The following DGKI variants were observed in gnomAD, a reference collection of about 807,000 sequenced individuals.
DGKI encodes DAG kinase iota.
In DGKI, 55 loss-of-function variants were observed where a neutral mutation model predicts 147.5. That is an observed-to-expected ratio of 0.37 (90% CI 0.30 to 0.47). The LOEUF (loss-of-function observed/expected upper bound fraction) is 0.47, where lower values mean the gene tolerates loss of function less well. Ranked by LOEUF, DGKI falls within the 20% of genes least tolerant of loss-of-function variation. DGKI has a pLI of 1.00. For synonymous variants in DGKI, 469 were observed against 477.1 expected (o/e 0.98, Z 0.22); for missense variants, 1,007 against 1,323.8 (o/e 0.76, Z 3.71).
chr7:137,634,658 C>A (rs1821248853), intron 6 of DGKI, among the ~76,000 whole-genome samples: 1 of 152,142 alleles, frequency 6.6e-6, no homozygotes, highest in African/African-American at 2.4e-5. Flanking sequence ...CCCACATTAT[C>A]CACTATTATT....
chr7:137,498,304 A>G (rs1032401487), intron 21 of DGKI, among the ~76,000 whole-genome samples: 2 of 151,976 alleles, frequency 1.3e-5, no homozygotes, highest in Admixed American at 6.5e-5. Flanking sequence ...CTAGTCCAGG[A>G]GGTCCCAATA....
At chr7:137,569,720 C>A (rs1410274089) in intron 19 of DGKI, among the ~76,000 whole-genome samples, 3 of 78,786 alleles carry the variant, frequency 3.8e-5, no homozygotes, top group Non-Finnish European at 7.5e-5. Context: ...CAGAGTGAGA[C>A]TCTGTCTCAA....
At chr7:137,619,266 C>A (rs542044953) in intron 8 of DGKI, among the ~76,000 whole-genome samples, 2 of 152,270 alleles carry the variant, frequency 1.3e-5, no homozygotes, top group East Asian at 3.9e-4. Flanking sequence ...AGGAAGTGCA[C>A]TGGGGAGAAC....
At chr7:137,834,966 T>C (rs899196949) in intron 1 of DGKI, among the ~76,000 whole-genome samples, 1 of 152,328 alleles carries the variant, frequency 6.6e-6, no homozygotes, top group Non-Finnish European at 1.5e-5. Flanking sequence ...CGTCCTCCTC[T>C]GCACTCAGAT....
chr7:137,614,474 T>C (rs185261299), intron 8 of DGKI, among the ~76,000 whole-genome samples: 2 of 152,266 alleles, frequency 1.3e-5, no homozygotes, highest in East Asian at 3.9e-4. Flanking sequence ...TCTAGTAATA[T>C]TTTCAGTCCG....
At chr7:137,823,650 A>G (rs1797970995) in intron 1 of DGKI, among the ~76,000 whole-genome samples, 1 of 152,248 alleles carries the variant, frequency 6.6e-6, no homozygotes, top group Non-Finnish European at 1.5e-5. Flanking sequence ...TCTGGAAGTC[A>G]GAGGATCCGC....
At chr7:137,521,533 A>C (rs1816960673) in intron 21 of DGKI, among the ~76,000 whole-genome samples, 1 of 152,104 alleles carries the variant, frequency 6.6e-6, no homozygotes, top group African/African-American at 2.4e-5. Flanking sequence ...TGTTGTCTCA[A>C]GAGTTTTCTG....
intron 19 of DGKI, among the ~76,000 whole-genome samples, chr7:137,567,979 T>C (rs1345916559): frequency 5.9e-5 from 9 of 152,166 alleles, no homozygotes; most frequent in East Asian, 3.8e-4. Flanking sequence ...TGTCCATGAA[T>C]TGAAAATTAT....
chr7:137,825,717 TAC>T (rs373579420), intron 1 of DGKI, among the ~76,000 whole-genome samples: 9 of 150,268 alleles, frequency 6.0e-5, no homozygotes, highest in South Asian at 2.1e-4. Context: ...CTCACACACA[TAC>T]ACACACACAC....
At chr7:137,411,765 A>G (rs1402533892) in intron 29 of DGKI, among the ~76,000 whole-genome samples, 2 of 152,164 alleles carry the variant, frequency 1.3e-5, no homozygotes, top group Non-Finnish European at 2.9e-5. Context: ...TGTTTGACTA[A>G]CTATGATCCC....
chr7:137,778,598 T>G (rs1563193974), intron 1 of DGKI, among the ~76,000 whole-genome samples: 1 of 145,238 alleles, frequency 6.9e-6, no homozygotes, highest in African/African-American at 2.5e-5. Context: ...TCTGGACAAT[T>G]AAAAAAAAAA....
chr7:137,578,485 A>G (rs1366778448), intron 15 of DGKI, among the ~76,000 whole-genome samples, 160 bp from the exon 16 acceptor site: 1 of 152,218 alleles, frequency 6.6e-6, no homozygotes, highest in East Asian at 1.9e-4. Flanking sequence ...CAGTTAGTAC[A>G]GTAGCCCAGT....
At chr7:137,407,103 T>C (rs1811981694) in intron 30 of DGKI, among the ~76,000 whole-genome samples, 1 of 152,192 alleles carries the variant, frequency 6.6e-6, no homozygotes, top group Admixed American at 6.5e-5. Context: ...GACTCTTTCA[T>C]TCCTTCTCAT....
intron 1 of DGKI, among the ~76,000 whole-genome samples, chr7:137,836,618 T>C (rs1798389291): frequency 6.6e-6 from 1 of 152,164 alleles, no homozygotes; most frequent in Non-Finnish European, 1.5e-5. Context: ...TCTTGTACTG[T>C]AGAATTTAAA....
At chr7:137,567,705 A>G (rs1818636311) in intron 19 of DGKI, among the ~76,000 whole-genome samples, 1 of 152,216 alleles carries the variant, frequency 6.6e-6, no homozygotes. Flanking sequence ...TATTTGTGAG[A>G]CAACTGGAAA....
chr7:137,833,768 G>A (rs1798285636), intron 1 of DGKI, among the ~76,000 whole-genome samples: 1 of 152,148 alleles, frequency 6.6e-6, no homozygotes, highest in Admixed American at 6.5e-5. Flanking sequence ...GGTGGTGAGA[G>A]GAAGCCCCCT....
intron 21 of DGKI, among the ~76,000 whole-genome samples, chr7:137,506,336 G>T (rs1033735612): frequency 6.6e-6 from 1 of 152,304 alleles, no homozygotes; most frequent in Non-Finnish European, 1.5e-5. Context: ...ATTGCTAAGT[G>T]AAAGATGGCA....
At chr7:137,500,911 A>G (rs1041638900) in intron 21 of DGKI, among the ~76,000 whole-genome samples, 1 of 152,174 alleles carries the variant, frequency 6.6e-6, no homozygotes, top group Admixed American at 6.6e-5. Flanking sequence ...TTTGAAATAT[A>G]CAATAAATTA....
intron 1 of DGKI, among the ~76,000 whole-genome samples, chr7:137,797,781 T>C (rs992523923): frequency 2.6e-5 from 4 of 151,820 alleles, no homozygotes; most frequent in African/African-American, 9.7e-5. Context: ...TTCAAGCAAA[T>C]AATATATCCT....
Sources: gnomAD v4.1 joint callset for allele counts (sites outside exome capture counted in the v4.1 genomes callset) on GRCh38, gnomAD v4.1.1 for gene constraint, MANE v1.5 for transcripts, NCBI Gene and HGNC (gene_info 2026-07-23, HGNC 2026-07-21) for gene names.